The following DCC variants were observed in gnomAD, a reference collection of about 807,000 sequenced individuals.
DCC encodes the protein DCC netrin 1 receptor.
In DCC, 58 loss-of-function variants were observed where a neutral mutation model predicts 172.5. The ratio of observed to expected loss-of-function variants is 0.34; its 90% CI spans 0.27 to 0.42. The LOEUF (loss-of-function observed/expected upper bound fraction) is 0.42. Ranked by LOEUF, DCC falls within the 10% of genes least tolerant of loss-of-function variation. DCC has a pLI of 1.00. For synonymous variants in DCC, 709 were observed against 644.5 expected (o/e 1.10, Z -1.52); for missense variants, 1,740 against 1,791.0 (o/e 0.97, Z 0.51).
At position 53,086,154 on chromosome 18, in the gene DCC, T is replaced by C. The variant is rs1421595044; in HGVS notation, c.1261+19988T>C. Among the ~76,000 whole-genome samples, 9 of 34,054 alleles carry C rather than the reference T, an allele frequency of 2.6e-4. 2 individuals are homozygous for C. Among genetic ancestry groups the C allele is most frequent in the South Asian group, 2.2e-3 (3 of 1,380 alleles). 22.3% of individuals were successfully genotyped at this position (34,054 alleles called of 152,430 possible). ...CCTCCTCCTCCTCCTCCTCCTCCTCTTCCTCTTCTCTTCCTCTTCTCTTCT... is the reference window on the plus strand; with the variant it reads ...CCTCCTCCTCCTCCTCCTCCTCCTCCTCCTCTTCTCTTCCTCTTCTCTTCT... On this transcript the variant is annotated intron_variant, in intron 7 of 28. Coordinates refer to ENST00000442544, the MANE Select transcript of DCC (RefSeq NM_005215.4).
chr18:53,258,987 C>A (rs554035847), intron 12 of DCC, among the ~76,000 whole-genome samples: 1 of 152,198 alleles, frequency 6.6e-6, no homozygotes, highest in South Asian at 2.1e-4. Flanking sequence ...CTCTTTTGAT[C>A]TTTGTTGGTT....
At chr18:53,518,214 A>C (rs904989082) in intron 27 of DCC, among the ~76,000 whole-genome samples, 1 of 152,168 alleles carries the variant, frequency 6.6e-6, no homozygotes, top group Non-Finnish European at 1.5e-5. Context: ...CAGAGATAAG[A>C]ACCCAGGCTT....
intron 2 of DCC, among the ~76,000 whole-genome samples, chr18:52,893,558 T>C (rs2039684001): frequency 6.6e-6 from 1 of 152,136 alleles, no homozygotes. Flanking sequence ...GTTTCTTTGT[T>C]TATGAAAATC....
chr18:52,626,323 A>G (rs1452021198), intron 1 of DCC, among the ~76,000 whole-genome samples: 1 of 152,164 alleles, frequency 6.6e-6, no homozygotes, highest in African/African-American at 2.4e-5. Context: ...ATTCACAAGC[A>G]TATCCTCCCA....
At chr18:53,146,707 A>G (rs542755510) in intron 7 of DCC, among the ~76,000 whole-genome samples, 162 of 152,330 alleles carry the variant, frequency 1.1e-3, no homozygotes, top group Non-Finnish European at 1.5e-3. Flanking sequence ...TTACATCTTG[A>G]TGAGAATTAG....
intron 2 of DCC, among the ~76,000 whole-genome samples, chr18:52,808,728 T>G (rs563437764): frequency 1.2e-4 from 18 of 152,280 alleles, no homozygotes; most frequent in African/African-American, 3.9e-4. Flanking sequence ...ATTATGGAAA[T>G]TCTTATGATT....
intron 5 of DCC, among the ~76,000 whole-genome samples, chr18:52,990,443 G>A (rs2041367163): frequency 6.7e-6 from 1 of 150,360 alleles, no homozygotes. Context: ...GGGAGGCTGA[G>A]GCAGGAGAAT....
At chr18:52,840,262 A>G (rs12605902) in intron 2 of DCC, among the ~76,000 whole-genome samples, 9,936 of 152,230 alleles carry the variant, frequency 0.065, 299 homozygotes, top group East Asian at 0.076. Flanking sequence ...CTTTCTGGAC[A>G]CAGTCTGCTC....
chr18:53,028,721 C>T (rs1488491971), intron 5 of DCC, among the ~76,000 whole-genome samples: 1 of 152,142 alleles, frequency 6.6e-6, no homozygotes, highest in Non-Finnish European at 1.5e-5. Flanking sequence ...CTCTACAATA[C>T]TTCCACTGGA....
chr18:53,079,967 T>C (rs1209429210), intron 7 of DCC, among the ~76,000 whole-genome samples: 2 of 152,110 alleles, frequency 1.3e-5, no homozygotes, highest in Non-Finnish European at 1.5e-5. Context: ...CTAGACTATG[T>C]GGGATAGGGA....
chr18:52,853,868 G>T (rs867887336), intron 2 of DCC, among the ~76,000 whole-genome samples: 1 of 152,210 alleles, frequency 6.6e-6, no homozygotes, highest in South Asian at 2.1e-4. Flanking sequence ...TAACTTCGGG[G>T]TAGGAGTCCC....
At chr18:52,818,616 C>A (rs980609129) in intron 2 of DCC, among the ~76,000 whole-genome samples, 2 of 152,024 alleles carry the variant, frequency 1.3e-5, no homozygotes, top group South Asian at 2.1e-4. Flanking sequence ...AATAAGGAAC[C>A]CAAAACAGGT....
chr18:53,282,551 ATGGAAT>A (rs2056884990), intron 12 of DCC, among the ~76,000 whole-genome samples: 1 of 152,192 alleles, frequency 6.6e-6, no homozygotes, highest in African/African-American at 2.4e-5. Flanking sequence ...TTGTAAGGAA[ATGGAAT>A]TGAAAATATT....
intron 5 of DCC, among the ~76,000 whole-genome samples, chr18:53,033,254 A>G (rs2042048679): frequency 6.6e-6 from 1 of 152,112 alleles, no homozygotes; most frequent in African/African-American, 2.4e-5. Flanking sequence ...TCCTGAAGCC[A>G]AACATGGGTG....
At chr18:53,407,444 G>T (rs1393444089) in intron 19 of DCC, among the ~76,000 whole-genome samples, 2 of 145,974 alleles carry the variant, frequency 1.4e-5, no homozygotes, top group African/African-American at 5.0e-5. Flanking sequence ...GCACATAATA[G>T]AATATATACA....
intron 1 of DCC, among the ~76,000 whole-genome samples, chr18:52,352,403 AC>A (rs1319657132): frequency 9.9e-5 from 15 of 152,132 alleles, no homozygotes; most frequent in Non-Finnish European, 1.5e-5. Context: ...GGTTTAGTGG[AC>A]CCTGGTCCCA....
intron 1 of DCC, among the ~76,000 whole-genome samples, chr18:52,697,183 C>T (rs1220652701): frequency 2.6e-5 from 4 of 152,104 alleles, no homozygotes; most frequent in Non-Finnish European, 4.4e-5. Flanking sequence ...TTTTAAGATC[C>T]TCCTCATCAA....
rs116746063 is a variant in DCC, at chr18:52,911,111, G to T, written c.697+4783G>T. On this transcript the variant is annotated intron_variant, in intron 3 of 28. Coordinates refer to ENST00000442544, the MANE Select transcript of DCC (RefSeq NM_005215.4). The stretch of plus-strand genomic sequence containing the variant: ...ATTTTCTATGTTTTCTATAAAAATA[G>T]AATGTAGTTACATTATAGAAAATAG... 5.2e-3 allele frequency among the ~76,000 whole-genome samples: 787 copies of T among 152,106 alleles called. 8 individuals carry two copies. The highest frequency in any genetic ancestry group is 0.018 in the African/African-American group (746 of 41,550).
intron 1 of DCC, among the ~76,000 whole-genome samples, chr18:52,512,765 A>T (rs2031488581): frequency 6.6e-6 from 1 of 152,216 alleles, no homozygotes; most frequent in South Asian, 2.1e-4. Flanking sequence ...GGGGGAAAAA[A>T]GAAAGCAATG....
Sources: allele counts gnomAD v4.1 joint callset (sites outside exome capture counted in the v4.1 genomes callset), GRCh38; gene constraint gnomAD v4.1.1; transcripts MANE v1.5; gene names NCBI Gene and HGNC (gene_info 2026-07-23, HGNC 2026-07-21).